GPC3: variants seen among roughly 807,000 people sequenced by gnomAD.
GPC3 encodes glypican-3.
Under a neutral mutation model 34.4 loss-of-function variants are expected in GPC3, and 3 were observed. The ratio of observed to expected loss-of-function variants is 0.09; its 90% CI spans 0.04 to 0.23. The LOEUF (loss-of-function observed/expected upper bound fraction) is 0.23, where lower values mean the gene tolerates loss of function less well. Ranked by LOEUF, GPC3 falls within the 10% of genes least tolerant of loss-of-function variation. GPC3 has a pLI of 1.00. For synonymous variants in GPC3, 177 were observed against 174.0 expected (o/e 1.02, Z -0.13); for missense variants, 351 against 445.6 (o/e 0.79, Z 1.91).
intron 2 of GPC3, among the ~76,000 whole-genome samples, chrX:133,893,421 T>G (rs1003131665): frequency 1.1e-3 from 121 of 110,614 alleles, no homozygotes; most frequent in African/African-American, 4.0e-3. Context: ...CTATTTTTAT[T>G]TTTTATTTTT....
chrX:133,976,567 T>C (rs181237309), intron 1 of GPC3, among the ~76,000 whole-genome samples: 2 of 111,688 alleles, frequency 1.8e-5, no homozygotes, highest in South Asian at 3.7e-4. Context: ...GGTAAAGCTA[T>C]AGTTAAAAAA....
chrX:133,761,197 G>GT (rs1337646086), intron 2 of GPC3, among the ~76,000 whole-genome samples: 1 of 111,426 alleles, frequency 9.0e-6, no homozygotes, highest in Non-Finnish European at 1.9e-5. Flanking sequence ...AGCCAAATAG[G>GT]TAACACATTT....
At chrX:133,830,207 G>T (rs908924653) in intron 2 of GPC3, among the ~76,000 whole-genome samples, 1 of 111,496 alleles carries the variant, frequency 9.0e-6, no homozygotes, top group Non-Finnish European at 1.9e-5. Context: ...GAATACAACC[G>T]AGAGTCCAGA....
chrX:133,961,265 G>C (rs890800405), intron 1 of GPC3, among the ~76,000 whole-genome samples: 1 of 111,463 alleles, frequency 9.0e-6, no homozygotes, highest in African/African-American at 3.3e-5. Flanking sequence ...CGTGCCTGGG[G>C]CCACCATGGA....
intron 7 of GPC3, among the ~76,000 whole-genome samples, chrX:133,591,555 CAATT>C (rs1003770184): frequency 1.8e-5 from 2 of 111,420 alleles, no homozygotes; most frequent in African/African-American, 6.5e-5. Context: ...TTTTTCCTCT[CAATT>C]AAATTAACCA....
chrX:133,978,396 A>G (rs2076525189), intron 1 of GPC3, among the ~76,000 whole-genome samples: 1 of 112,409 alleles, frequency 8.9e-6, no homozygotes, highest in South Asian at 3.7e-4. Flanking sequence ...TAAGGTGAAG[A>G]TAAGCATATG....
intron 2 of GPC3, among the ~76,000 whole-genome samples, chrX:133,891,454 T>C (rs1350702389): frequency 1.8e-5 from 2 of 110,541 alleles, no homozygotes; most frequent in East Asian, 2.8e-4. Context: ...ATGTGAATTA[T>C]ATCTCAATAA....
chrX:133,721,316 A>AT (rs2071364209), intron 3 of GPC3, among the ~76,000 whole-genome samples: 1 of 110,031 alleles, frequency 9.1e-6, no homozygotes, highest in Non-Finnish European at 1.9e-5. Flanking sequence ...AAAATCAGGA[A>AT]TGAGAGCGAG....
intron 2 of GPC3, among the ~76,000 whole-genome samples, chrX:133,789,050 G>T (rs1018951680): frequency 9.0e-6 from 1 of 111,241 alleles, no homozygotes; most frequent in African/African-American, 3.3e-5. Context: ...TCTGTAATTT[G>T]GTCCTCAGTT....
chrX:133,807,653 A>C (rs2075643332), intron 2 of GPC3, among the ~76,000 whole-genome samples: 1 of 112,413 alleles, frequency 8.9e-6, no homozygotes, highest in Non-Finnish European at 1.9e-5. Flanking sequence ...ACAGTGAATA[A>C]GTATCACTGT....
At chrX:133,910,401 A>G (rs1212782258) in intron 2 of GPC3, among the ~76,000 whole-genome samples, 1 of 111,455 alleles carries the variant, frequency 9.0e-6, no homozygotes, top group Non-Finnish European at 1.9e-5. Context: ...ATAACCATGT[A>G]TATAACAGAA....
chrX:133,827,634 T>C (rs2075754331), intron 2 of GPC3, among the ~76,000 whole-genome samples: 1 of 110,593 alleles, frequency 9.0e-6, no homozygotes, highest in Non-Finnish European at 1.9e-5. Flanking sequence ...AATACAAAAA[T>C]TAGCTGGGCG....
At chrX:133,933,415 T>C (rs1235923431) in intron 2 of GPC3, among the ~76,000 whole-genome samples, 2 of 111,149 alleles carry the variant, frequency 1.8e-5, no homozygotes, top group African/African-American at 6.6e-5. Flanking sequence ...TTCAGACAGC[T>C]TGTTGCAGGA....
intron 3 of GPC3, among the ~76,000 whole-genome samples, chrX:133,710,894 T>C (rs1217717683): frequency 8.9e-6 from 1 of 112,354 alleles, no homozygotes; most frequent in Non-Finnish European, 1.9e-5. Flanking sequence ...CCAATCCCTT[T>C]GCAGCACCAG....
intron 2 of GPC3, among the ~76,000 whole-genome samples, chrX:133,863,577 G>T (rs1355195777): frequency 9.5e-6 from 1 of 105,380 alleles, no homozygotes; most frequent in African/African-American, 3.6e-5. Flanking sequence ...TGTATTAAGG[G>T]CACTGTGCAA....
intron 2 of GPC3, among the ~76,000 whole-genome samples, chrX:133,819,079 G>A (rs1437828630): frequency 2.9e-5 from 3 of 104,577 alleles, no homozygotes; most frequent in Non-Finnish European, 5.9e-5. Flanking sequence ...TGCCATGCTG[G>A]TGTGCTGCAC....
At position 133,628,689 on chromosome X, in the gene GPC3, C is replaced by T. The variant is rs191090649; in HGVS notation, c.1414-32090G>A. 7.3e-5 allele frequency among the ~76,000 whole-genome samples: 8 copies of T among 110,076 alleles called. No homozygotes were observed. The East Asian group carries it at 2.3e-3, about 32-fold the overall frequency. ...AAAAAAAGATATGTGGCCTCAAATACATAACACACCAATATGTTAATTAGC... is the reference window on the plus strand; with the variant it reads ...AAAAAAAGATATGTGGCCTCAAATATATAACACACCAATATGTTAATTAGC... On this transcript the variant is annotated intron_variant, in intron 6 of 7. Transcript: ENST00000370818.
At chrX:133,919,882 G>A (rs59751255) in intron 2 of GPC3, among the ~76,000 whole-genome samples, 10,031 of 107,823 alleles carry the variant, frequency 0.093, 507 homozygotes, top group East Asian at 0.22. Context: ...AGATTCTGCC[G>A]GGTACAGTGG....
chrX:133,949,435 C>T (rs1005416712), intron 2 of GPC3, among the ~76,000 whole-genome samples: 4 of 111,221 alleles, frequency 3.6e-5, no homozygotes, highest in Admixed American at 9.6e-5. Flanking sequence ...GCCAAGACTA[C>T]GCATAAACAT....
Sources: gnomAD v4.1 joint callset for allele counts (sites outside exome capture counted in the v4.1 genomes callset) on GRCh38, gnomAD v4.1.1 for gene constraint, MANE v1.5 for transcripts, NCBI Gene and HGNC (gene_info 2026-07-23, HGNC 2026-07-21) for gene names.